FES: variants seen among roughly 807,000 people sequenced by gnomAD.
FES encodes tyrosine-protein kinase Fes/Fps.
A neutral mutation model predicts 109.6 loss-of-function variants in FES; 83 were observed. That is an observed-to-expected ratio of 0.76 (90% CI 0.63 to 0.91). The LOEUF (loss-of-function observed/expected upper bound fraction) is 0.91, where lower values mean the gene tolerates loss of function less well. Ranked by LOEUF, FES falls within the 40% of genes least tolerant of loss-of-function variation. FES has a pLI of 0.00. For missense variants in FES, 943 were observed against 1,070.9 expected, an observed-to-expected ratio of 0.88 and a Z score of 1.67; for synonymous variants, 458 against 442.1, an observed-to-expected ratio of 1.04 and a Z score of -0.45.
chr15:90,890,645 C>T (rs1225317388), intron 10 of FES, 161 bp downstream of exon 10: 23 of 675,650 alleles, frequency 3.4e-5, no homozygotes, highest in Non-Finnish European at 5.7e-5. Flanking sequence ...CCCTGTGACC[C>T]CTCCCTTTCC....
chr15:90,885,788 C>A (rs2032550986), intron 3 of FES, among the ~76,000 whole-genome samples: 1 of 152,218 alleles, frequency 6.6e-6, no homozygotes, highest in Non-Finnish European at 1.5e-5. Flanking sequence ...TGTGCTTTTT[C>A]TGTGCCTGGG....
chr15:90,891,974 C>G (rs887611610), intron 12 of FES, 84 bp from the exon 13 acceptor site: 21 of 1,559,262 alleles, frequency 1.3e-5, no homozygotes, highest in Non-Finnish European at 1.9e-5. Context: ...ATGGAGGCGC[C>G]AAAAAATGGA....
chr15:90,885,507 C>A lies in FES; in HGVS notation c.309C>A (p.Ser103Arg). The A allele has an allele frequency of 6.2e-7, 1 of 1,613,432 alleles. No homozygotes were observed. Among genetic ancestry groups the A allele is most frequent in the East Asian group, 2.2e-5 (1 of 44,888 alleles). ...ACTCAGGGCCCCTGAGCAAGCTGAG[C>A]CTGCTCATCCGGGAACGGCAGCAGC... ...DLNSGPLSKL[S>R]LLIRERQQLR... Residue 103 changes from serine (S) to arginine (R), a missense_variant, in exon 3 of 19, where the codon AGC becomes AGA. Physicochemically the swap from Ser to Arg is moderately radical, Grantham distance 110. Coordinates refer to ENST00000328850, the MANE Select transcript of FES (RefSeq NM_002005.4).
At chr15:90,886,815 T>C (rs2032679842) in intron 3 of FES, 146 bp from the exon 4 acceptor site, 4 of 682,554 alleles carry the variant, frequency 5.9e-6, no homozygotes, top group Non-Finnish European at 1.0e-5. Context: ...CTCTGATCTT[T>C]GACTCTCACG....
Position 90,892,699 on chromosome 15 carries a change from C to A in FES, c.1708-8C>A. ...GAAGGCCGTGGTAGGAGCCCAAGAC[C>A]GTTTCAGGGGAACTTTGGCGAAGTG... On this transcript the variant is annotated splice_polypyrimidine_tract_variant and splice_region_variant and intron_variant, in intron 13 of 18. Coordinates refer to ENST00000328850, the MANE Select transcript of FES (RefSeq NM_002005.4). 6.3e-7 allele frequency: 1 copy of A among 1,599,500 alleles called. No homozygotes were observed. Among genetic ancestry groups the A allele is most frequent in the Middle Eastern group, 2.0e-4 (1 of 4,910 alleles).
Position 90,893,995 on chromosome 15 carries a change from A to G in FES, c.2263A>G (p.Ser755Gly), listed in dbSNP as rs1441280396. The G allele has an allele frequency of 3.1e-6, 5 of 1,613,872 alleles. No individual in the cohort carries two copies. Among genetic ancestry groups the G allele is most frequent in the East Asian group, 2.2e-5 (1 of 44,878 alleles). ...SFGILLWETF[S>G]LGASPYPNLS... ...TGGCATCTTGCTCTGGGAGACCTTC[A>G]GCCTGGGGGCCTCCCCCTATCCCAA... Residue 755 changes from serine to glycine, a missense_variant, in exon 18 of 19, where the codon AGC becomes GGC. Ser to Gly is a moderately conservative substitution (Grantham distance 56). Transcript: ENST00000328850.
Position 90,893,148 on chromosome 15 carries a change from C to G in FES, c.1875C>G (p.Val625=), listed in dbSNP as rs2033386707. The G allele has an allele frequency of 1.2e-6, 2 of 1,613,904 alleles. No homozygotes were observed. The highest frequency in any genetic ancestry group is 1.3e-5 in the African/African-American group (1 of 74,946). ...SHPNIVRLIG[V]CTQKQPIYIV... ...CCAACATCGTGCGTCTCATTGGTGT[C>G]TGCACCCAGAAGCAGCCCATCTACA... Residue 625 remains valine, a synonymous_variant, in exon 15 of 19, where the codon GTC becomes GTG. Coordinates refer to ENST00000328850, the MANE Select transcript of FES (RefSeq NM_002005.4).
Position 90,885,155 on chromosome 15 carries a change from G to A in FES, c.110G>A (p.Arg37Gln), listed in dbSNP as rs2032448004. ...LEGMRKWMAQ[R>Q]VKSDREYAGL... Reference sequence around the variant, plus strand: ...GGCATGAGAAAGTGGATGGCCCAGCGGGTCAAGAGTGACAGGGAGTATGCA... The same window carrying A: ...GGCATGAGAAAGTGGATGGCCCAGCAGGTCAAGAGTGACAGGGAGTATGCA... Residue 37 changes from arginine (R) to glutamine (Q), a missense_variant, in exon 2 of 19, where the codon CGG (arginine) becomes CAG (glutamine). Arg to Gln is a conservative substitution (Grantham distance 43, BLOSUM62 1). Transcript: ENST00000328850. 2.5e-6 allele frequency: 4 copies of A among 1,613,964 alleles called. No individual in the cohort carries two copies. The highest frequency in any genetic ancestry group is 3.4e-6 in the Non-Finnish European group (4 of 1,180,028).
At position 90,895,706 on chromosome 15, in the gene FES, C is replaced by T. The variant is rs1052952642; in HGVS notation, c.*148C>T. 2 of 598,900 alleles carry T rather than the reference C, an allele frequency of 3.3e-6. No individual in the cohort carries two copies. Among genetic ancestry groups the T allele is most frequent in the Admixed American group, 4.1e-5 (1 of 24,490 alleles). 37.1% of individuals were successfully genotyped at this position (598,900 alleles called of 1,614,324 possible). A position where few individuals can be genotyped will look rare whatever the true frequency, so the allele number is the denominator to read the frequency against. ...CCGGCAGGATGCAGCGCCGTGTCCT[C>T]TCTGTGTCCCTGCTGCTGCCAGGGC... is the stretch of plus-strand genomic sequence containing the variant. On this transcript the variant is annotated 3_prime_UTR_variant, in exon 19 of 19. Coordinates refer to ENST00000328850, the MANE Select transcript of FES (RefSeq NM_002005.4).
intron 18 of FES, 91 bp downstream of exon 18, chr15:90,894,149 C>A: frequency 6.9e-7 from 1 of 1,449,830 alleles, no homozygotes. Context: ...GCCAACCTTC[C>A]CACCAGGCAG....
chr15:90,894,289 A>C (rs1398245569), intron 18 of FES, among the ~76,000 whole-genome samples: 1 of 152,130 alleles, frequency 6.6e-6, no homozygotes, highest in Non-Finnish European at 1.5e-5. Flanking sequence ...ATCTGTACAA[A>C]AAATACAAAA....
chr15:90,888,182 T>C (rs1272508029), intron 5 of FES, among the ~76,000 whole-genome samples: 2 of 152,240 alleles, frequency 1.3e-5, no homozygotes, highest in South Asian at 4.1e-4. Context: ...CTCGGCTTAC[T>C]GCAACCTCCG....
intron 13 of FES, 117 bp downstream of exon 13, chr15:90,892,228 C>T (rs545281792): frequency 1.7e-5 from 19 of 1,116,690 alleles, no homozygotes; most frequent in South Asian, 7.7e-5. Flanking sequence ...ACTTGTACCC[C>T]GACTCCCTGC....
chr15:90,895,506 G>T lies in FES; in HGVS notation c.2417G>T (p.Ser806Ile). The change falls in exon 19 of 19, where the codon AGC becomes ATC. Residue 806 changes from serine (S) to isoleucine (I), a missense_variant. Transcript: ENST00000328850. The part of the protein sequence containing the change: ...CWAYEPGQRP[S>I]FSTIYQELQS... ...GCCTATGAGCCTGGGCAGCGGCCCA[G>T]CTTCAGCACCATCTACCAGGAGCTG... 1 of 1,598,462 alleles carries T rather than the reference G, an allele frequency of 6.3e-7. No individual in the cohort carries two copies. Among genetic ancestry groups the T allele is most frequent in the African/African-American group, 1.3e-5 (1 of 74,510 alleles).
chr15:90,895,492 T>C lies in FES; in HGVS notation c.2403T>C (p.Pro801=), dbSNP rs759390301. Residue 801 remains proline, a synonymous_variant, in exon 19 of 19, where the codon CCT becomes CCC. Coordinates refer to ENST00000328850, the MANE Select transcript of FES (RefSeq NM_002005.4). ...TGGAGCAGTGCTGGGCCTATGAGCC[T>C]GGGCAGCGGCCCAGCTTCAGCACCA... is the stretch of plus-strand genomic sequence containing the variant. ...RLMEQCWAYE[P]GQRPSFSTIY... is the part of the protein sequence containing the mutation. 1.3e-6 allele frequency: 2 copies of C among 1,599,282 alleles called. No individual in the cohort carries two copies. The highest frequency in any genetic ancestry group is 2.3e-5 in the East Asian group (1 of 43,798).
chr15:90,889,723 G>A lies in FES; in HGVS notation c.926+87G>A, dbSNP rs2033013512. 1 of 1,603,712 alleles carries A rather than the reference G, an allele frequency of 6.2e-7. No homozygotes were observed. The highest frequency in any genetic ancestry group is 2.2e-5 in the East Asian group (1 of 44,750). ...TAGGCAGGGCTAGGTCGTGGAGACT[G>A]TCCACACAGAGCTGTCACCAGGTGG... On this transcript the variant is annotated intron_variant, in intron 7 of 18. Transcript: ENST00000328850. The surrounding 1 kb of genome is among the most constrained non-coding windows in gnomAD (Gnocchi z 6.1).
At chr15:90,884,883 G>T in intron 1 of FES, 154 bp from the exon 2 acceptor site, 1 of 671,070 alleles carries the variant, frequency 1.5e-6, no homozygotes, top group East Asian at 2.5e-5. Flanking sequence ...CCAGGCTGCT[G>T]CTGGGTACCC....
chr15:90,887,204 G>A lies in FES; in HGVS notation c.502G>A (p.Ala168Thr). The A allele has an allele frequency of 6.2e-7, 1 of 1,613,466 alleles. No individual in the cohort carries two copies. Among genetic ancestry groups the A allele is most frequent in the South Asian group, 1.1e-5 (1 of 91,072 alleles). Residue 168 changes from alanine to threonine, a missense_variant, in exon 5 of 19, where the codon GCT (alanine) becomes ACT (threonine). Coordinates refer to ENST00000328850, the MANE Select transcript of FES (RefSeq NM_002005.4). ...EASKDKDRDK[A>T]KDKYVRSLWK... ...TCTGGCAGACAAGGACCGTGACAAG[G>A]CTAAGGACAAGTATGTGCGCAGCCT...
At chr15:90,888,749 TTTATTTA>T (rs2151253421) in intron 5 of FES, among the ~76,000 whole-genome samples, 1 of 11,648 alleles carries the variant, frequency 8.6e-5, no homozygotes, top group East Asian at 7.9e-4. Context: ...TAGCAGTTCA[TTTATTTA>T]TTTATTTATT....
Sources: allele counts gnomAD v4.1 joint callset (sites outside exome capture counted in the v4.1 genomes callset), GRCh38; gene constraint gnomAD v4.1.1; non-coding constraint Gnocchi (gnomAD v3.1); transcripts MANE v1.5; gene names NCBI Gene and HGNC (gene_info 2026-07-23, HGNC 2026-07-21).